RAPH1: variants seen among roughly 807,000 people sequenced by gnomAD.
RAPH1 encodes the protein ras-associated and pleckstrin homology domains-containing protein 1.
RAPH1 carries 18 observed loss-of-function variants against 88.1 expected under a neutral mutation model. The observed-to-expected ratio is 0.20, with a 90% confidence interval of 0.14 to 0.30. RAPH1 has a LOEUF of 0.30. Among genes scored for constraint, RAPH1 ranks in the 10% least tolerant of loss-of-function variants. RAPH1 has a pLI of 1.00. For synonymous variants in RAPH1, 587 were observed against 559.0 expected, an observed-to-expected ratio of 1.05 and a Z score of -0.71; for missense variants, 1,448 against 1,543.2, an observed-to-expected ratio of 0.94 and a Z score of 1.03.
At chr2:203,515,769 T>C (rs1689575396) in intron 1 of RAPH1, among the ~76,000 whole-genome samples, 1 of 152,192 alleles carries the variant, frequency 6.6e-6, no homozygotes, top group African/African-American at 2.4e-5. Context: ...TAGAATTCTG[T>C]ACCTGGCAAA....
At chr2:203,503,800 G>T (rs1688848961) in intron 1 of RAPH1, among the ~76,000 whole-genome samples, 2 of 152,136 alleles carry the variant, frequency 1.3e-5, no homozygotes, top group South Asian at 4.1e-4. Context: ...ATACAATGGG[G>T]GTACAGGTAT....
chr2:203,526,623 G>A (rs1259042902), intron 1 of RAPH1, among the ~76,000 whole-genome samples: 3 of 150,496 alleles, frequency 2.0e-5, no homozygotes, highest in Non-Finnish European at 4.4e-5. Context: ...TACTTGGGAG[G>A]CTGAGGCAGG....
chr2:203,442,686 G>A (rs1334805412), intron 13 of RAPH1: 1 of 152,248 alleles, frequency 6.6e-6, no homozygotes, highest in Non-Finnish European at 1.5e-5. Context: ...GAGGTAACAG[G>A]AGAAGAAATA....
rs2098499249 is a variant in RAPH1 at position 203,437,234 on chromosome 2, T to G, written c.*2203A>C. 6.6e-6 allele frequency: 1 copy of G among 152,154 alleles called. No individual in the cohort carries two copies. The highest frequency in any genetic ancestry group is 2.1e-4 in the South Asian group (1 of 4,828). The allele number at this position is 152,154 out of a possible 1,614,324, so 9.4% of individuals were successfully genotyped here. A position where few individuals can be genotyped will look rare whatever the true frequency, so the allele number is the denominator to read the frequency against. Reference sequence around the variant, plus strand: ...TCATGGGTGAAAAAAGGTTAGCGGGTACATTTTTTCCCCCTCAAGAAAAAC... The same window carrying G: ...TCATGGGTGAAAAAAGGTTAGCGGGGACATTTTTTCCCCCTCAAGAAAAAC... On this transcript the variant is annotated 3_prime_UTR_variant, in exon 14 of 14. Coordinates refer to ENST00000319170, the MANE Select transcript of RAPH1 (RefSeq NM_213589.3).
At chr2:203,462,028 AAT>A in intron 4 of RAPH1, 103 bp from the exon 5 acceptor site, 1 of 825,438 alleles carries the variant, frequency 1.2e-6, no homozygotes, top group African/African-American at 1.7e-5. Flanking sequence ...TTTCATTAAG[AAT>A]ATAACTACAC....
chr2:203,455,201 A>G (rs940630121), intron 9 of RAPH1, among the ~76,000 whole-genome samples: 1 of 152,226 alleles, frequency 6.6e-6, no homozygotes, highest in African/African-American at 2.4e-5. Context: ...AACAACAAAT[A>G]AAACTATGAT....
rs2098502947 is a variant in RAPH1 at position 203,440,769 on chromosome 2, A to C, written c.2421T>G (p.Thr807=). Residue 807 remains threonine (T), a synonymous_variant, in exon 14 of 14, where the codon ACT becomes ACG. Transcript: ENST00000319170. ...GCTTTTTTGCTGGGGGCACTGGAGG[A>C]GTAGGTGTGGGTGGTGCAGCTTGAG... ...VVTQAAPPTP[T]PPVPPAKKQP... is the part of the protein sequence containing the mutation. 5 of 1,585,590 alleles carry C rather than the reference A, an allele frequency of 3.2e-6. No homozygotes were observed. The highest frequency in any genetic ancestry group is 4.3e-6 in the Non-Finnish European group (5 of 1,165,482).
Position 203,507,055 on chromosome 2 carries a change from C to T in RAPH1, c.1-11702G>A, listed in dbSNP as rs374514031. On this transcript the variant is annotated intron_variant, in intron 1 of 13. Coordinates refer to ENST00000319170, the MANE Select transcript of RAPH1 (RefSeq NM_213589.3). Reference sequence around the variant, plus strand: ...GGGATTACAGGCGCCTGCCACCACACCCGGCTAATTTTTTTATTTTTAGTA... The same window carrying T: ...GGGATTACAGGCGCCTGCCACCACATCCGGCTAATTTTTTTATTTTTAGTA... 4.7e-5 allele frequency among the ~76,000 whole-genome samples: 7 copies of T among 150,304 alleles called. No homozygotes were observed. In the East Asian group the frequency reaches 9.8e-4, roughly 21 times the overall value.
At chr2:203,506,855 T>TAC (rs1689084632) in intron 1 of RAPH1, among the ~76,000 whole-genome samples, 3 of 56,678 alleles carry the variant, frequency 5.3e-5, no homozygotes, top group Non-Finnish European at 1.0e-4. Context: ...TCTATCTATA[T>TAC]CTATATATAT....
intron 4 of RAPH1, among the ~76,000 whole-genome samples, chr2:203,484,295 T>C (rs1240684696): frequency 6.6e-6 from 1 of 152,184 alleles, no homozygotes; most frequent in Non-Finnish European, 1.5e-5. Flanking sequence ...ACTGCCACCT[T>C]GCTGATCGTG....
chr2:203,493,986 A>AAAAAAAAG, intron 2 of RAPH1, among the ~76,000 whole-genome samples: 1 of 150,256 alleles, frequency 6.7e-6, no homozygotes, highest in Non-Finnish European at 1.5e-5. Flanking sequence ...AAAAAAAAAA[A>AAAAAAAAG]AAAAAAAAAA....
rs372022066 is a variant in RAPH1 at position 203,493,418 on chromosome 2, C to T, written c.120+1816G>A. On this transcript the variant is annotated intron_variant, in intron 2 of 13. Transcript: ENST00000319170. ...TAAAACCACATGGTCAAGAACACCC[C>T]ACATGTCAGCTGGCCCTTGCATACT... Among the ~76,000 whole-genome samples, 166 of 152,292 alleles carry T rather than the reference C, an allele frequency of 1.1e-3. 1 individual carries two copies. The highest frequency in any genetic ancestry group is 3.8e-3 in the African/African-American group (160 of 41,568).
intron 13 of RAPH1, chr2:203,442,084 GA>G: frequency 6.3e-7 from 1 of 1,595,192 alleles, no homozygotes; most frequent in Non-Finnish European, 8.5e-7. Flanking sequence ...TGTTTTACTG[GA>G]AAATACATAA....
rs1304168268 is a variant in RAPH1, at chr2:203,436,145, C to A, written c.*3292G>T. ...ACATACATGGAAAGGGGACCCAAGA[C>A]AGTTCACCAAGATAGTTCACAGCCC... is the stretch of plus-strand genomic sequence containing the variant. On this transcript the variant is annotated 3_prime_UTR_variant, in exon 14 of 14. Coordinates refer to ENST00000319170, the MANE Select transcript of RAPH1 (RefSeq NM_213589.3). 3.3e-5 allele frequency: 5 copies of A among 152,170 alleles called. No homozygotes were observed. The highest frequency in any genetic ancestry group is 1.2e-4 in the African/African-American group (5 of 41,450). The allele number at this position is 152,170 out of a possible 1,614,324, so 9.4% of individuals were successfully genotyped here.
chr2:203,438,407 A>C lies in RAPH1; in HGVS notation c.*1030T>G, dbSNP rs1398363287. ...TTTTCATAATGCACCATATTGGGGC[A>C]CAGGATGTGTATATTTCATATACCA... is the stretch of plus-strand genomic sequence containing the variant. On this transcript the variant is annotated 3_prime_UTR_variant, in exon 14 of 14. Transcript: ENST00000319170. 2.0e-5 allele frequency: 7 copies of C among 345,722 alleles called. No homozygotes were observed. Among genetic ancestry groups the C allele is most frequent in the East Asian group, 7.6e-5 (1 of 13,106 alleles). The allele number at this position is 345,722 out of a possible 1,614,324, so 21.4% of individuals were successfully genotyped here.
At chr2:203,441,659 T>G in intron 13 of RAPH1, 1 of 1,315,302 alleles carries the variant, frequency 7.6e-7, no homozygotes, top group African/African-American at 1.5e-5. Context: ...CATCTAACAA[T>G]CTAGGAAAAA....
chr2:203,516,029 C>T (rs763334234), intron 1 of RAPH1, among the ~76,000 whole-genome samples: 7 of 152,058 alleles, frequency 4.6e-5, no homozygotes, highest in Non-Finnish European at 1.0e-4. Context: ...CAACAATATA[C>T]GTGATTACGT....
At chr2:203,535,044 C>G (rs1690555051) in intron 1 of RAPH1, 67 bp downstream of exon 1, 1 of 152,032 alleles carries the variant, frequency 6.6e-6, no homozygotes, top group African/African-American at 2.4e-5. Context: ...GCGGCAGGAG[C>G]GCCTCACGGC....
chr2:203,464,541 G>C (rs1224059467), intron 4 of RAPH1, among the ~76,000 whole-genome samples: 4 of 152,246 alleles, frequency 2.6e-5, no homozygotes, highest in Non-Finnish European at 5.9e-5. Flanking sequence ...AAAGTGCTGG[G>C]ATTACAGGCA....
Sources: gnomAD v4.1 joint callset for allele counts (sites outside exome capture counted in the v4.1 genomes callset) on GRCh38, gnomAD v4.1.1 for gene constraint, MANE v1.5 for transcripts, NCBI Gene and HGNC (gene_info 2026-07-23, HGNC 2026-07-21) for gene names.